RGS7: variants seen among roughly 807,000 people sequenced by gnomAD.
RGS7 encodes regulator of G-protein signaling 7.
RGS7 carries 27 observed loss-of-function variants against 81.1 expected under a neutral mutation model. The ratio of observed to expected loss-of-function variants is 0.33; its 90% CI spans 0.25 to 0.46. RGS7 has a LOEUF of 0.46. RGS7 is among the 20% of genes least tolerant of loss of function. The pLI is 1.00. For missense variants in RGS7, 396 were observed against 607.4 expected (o/e 0.65, Z 3.66); for synonymous variants, 208 against 207.7 (o/e 1.00, Z -0.01).
intron 3 of RGS7, among the ~76,000 whole-genome samples, chr1:241,095,828 T>C (rs566893488): frequency 6.6e-6 from 1 of 152,324 alleles, no homozygotes; most frequent in African/African-American, 2.4e-5. Context: ...CATATTATTG[T>C]TAACTATAGT....
rs191794442 is a variant in RGS7, at chr1:241,269,699, G to A, written c.78+86000C>T. Among the ~76,000 whole-genome samples the A allele has an allele frequency of 2.8e-3, 423 of 152,278 alleles. 1 individual carries two copies. Among genetic ancestry groups the A allele is most frequent in the African/African-American group, 9.6e-3 (401 of 41,560 alleles). ...AGAAAGGTGATTCCACTGATGAGTG[G>A]GCGATCTGCTACTCTTTGAACCATA... On this transcript the variant is annotated intron_variant, in intron 2 of 18. Coordinates refer to ENST00000440928, the MANE Select transcript of RGS7 (RefSeq NM_001364886.1).
chr1:241,285,970 A>G (rs1056036829), intron 2 of RGS7, among the ~76,000 whole-genome samples: 1 of 152,226 alleles, frequency 6.6e-6, no homozygotes, highest in Non-Finnish European at 1.5e-5. Context: ...ATGAGTGCGC[A>G]TAATAACCTC....
chr1:241,049,207 A>T (rs1367895080), intron 3 of RGS7, among the ~76,000 whole-genome samples: 1 of 152,220 alleles, frequency 6.6e-6, no homozygotes, highest in Non-Finnish European at 1.5e-5. Flanking sequence ...TAACACTAAG[A>T]TTGAAAACCT....
intron 6 of RGS7, among the ~76,000 whole-genome samples, chr1:240,892,781 A>G (rs530860428): frequency 3.5e-4 from 54 of 152,218 alleles, no homozygotes; most frequent in Non-Finnish European, 6.2e-4. Flanking sequence ...TTTTCTGTCC[A>G]TAAATCTTTT....
chr1:241,147,780 TTATATATA>T lies in RGS7; in HGVS notation c.79-49026_79-49019del, dbSNP rs200770896. Among the ~76,000 whole-genome samples, 197 of 44,644 alleles carry T rather than the reference TTATATATA, an allele frequency of 4.4e-3. 5 individuals carry two copies. Among genetic ancestry groups the T allele is most frequent in the South Asian group, 0.024 (20 of 822 alleles). 29.3% of individuals were successfully genotyped at this position (44,644 alleles called of 152,430 possible). ...TTAAATATCCCATCTAGATTAAGTT[TTATATATA>T]TATATATATATATATATATATATAT... is the stretch of plus-strand genomic sequence containing the variant. On this transcript the variant is annotated intron_variant, in intron 2 of 18. Coordinates refer to ENST00000440928, the MANE Select transcript of RGS7 (RefSeq NM_001364886.1).
intron 9 of RGS7, among the ~76,000 whole-genome samples, chr1:240,846,917 A>G (rs1415353357): frequency 6.6e-6 from 1 of 152,174 alleles, no homozygotes; most frequent in Non-Finnish European, 1.5e-5. Context: ...TCAGATGACC[A>G]TAGCCTTGGC....
Position 241,301,118 on chromosome 1 carries a change from G to C in RGS7, c.78+54581C>G, listed in dbSNP as rs141864090. ...TCTTGCACAACAGAATAAAAACAAGGTCTTCAATGATGAGTTAGTTGTGAT... is the reference window on the plus strand; with the variant it reads ...TCTTGCACAACAGAATAAAAACAAGCTCTTCAATGATGAGTTAGTTGTGAT... On this transcript the variant is annotated intron_variant, in intron 2 of 18. Transcript: ENST00000440928. Among the ~76,000 whole-genome samples, 113 of 152,262 alleles carry C rather than the reference G, an allele frequency of 7.4e-4. 1 individual carries two copies. Among genetic ancestry groups the C allele is most frequent in the African/African-American group, 2.7e-3 (113 of 41,556 alleles).
chr1:240,813,881 T>G (rs1304403239), intron 12 of RGS7, among the ~76,000 whole-genome samples, 153 bp from the exon 13 acceptor site: 1 of 152,204 alleles, frequency 6.6e-6, no homozygotes, highest in Non-Finnish European at 1.5e-5. Context: ...TTCAGTAACT[T>G]TCATGCAACA....
chr1:241,220,983 AAGG>A (rs1236250443), intron 2 of RGS7, among the ~76,000 whole-genome samples: 22,235 of 85,576 alleles, frequency 0.26, 2,690 homozygotes, highest in African/African-American at 0.35. Context: ...GGAAGGAAGG[AAGG>A]AAGGAAGGAA....
At chr1:240,950,632 T>G (rs1314651447) in intron 4 of RGS7, among the ~76,000 whole-genome samples, 1 of 152,192 alleles carries the variant, frequency 6.6e-6, no homozygotes, top group Non-Finnish European at 1.5e-5. Context: ...AAATATTATA[T>G]AATTCTCTCA....
chr1:241,149,119 G>A (rs1490513807), intron 2 of RGS7, among the ~76,000 whole-genome samples: 1 of 152,116 alleles, frequency 6.6e-6, no homozygotes. Flanking sequence ...CAACCAAGTG[G>A]AAAGCAGAAA....
chr1:241,342,179 T>C (rs1219788031), intron 2 of RGS7, among the ~76,000 whole-genome samples: 3 of 152,138 alleles, frequency 2.0e-5, no homozygotes, highest in Admixed American at 6.5e-5. Context: ...TGGTCTCTGG[T>C]ACTCTTCAAG....
At chr1:241,020,845 C>T (rs2059500437) in intron 3 of RGS7, among the ~76,000 whole-genome samples, 2 of 152,162 alleles carry the variant, frequency 1.3e-5, no homozygotes, top group Admixed American at 1.3e-4. Flanking sequence ...AAAACATGAT[C>T]TACTGTATCA....
intron 2 of RGS7, among the ~76,000 whole-genome samples, chr1:241,201,786 G>A (rs1030948181): frequency 2.0e-5 from 3 of 152,142 alleles, no homozygotes; most frequent in African/African-American, 4.8e-5. Flanking sequence ...AATTAAGGCT[G>A]AATGGTTCAC....
At chr1:241,263,228 G>C (rs542642647) in intron 2 of RGS7, among the ~76,000 whole-genome samples, 1 of 152,136 alleles carries the variant, frequency 6.6e-6, no homozygotes, top group African/African-American at 2.4e-5. Context: ...AGTGACCCGA[G>C]ATCTCGCCAC....
chr1:241,076,330 C>T (rs756421200), intron 3 of RGS7, among the ~76,000 whole-genome samples: 6 of 152,160 alleles, frequency 3.9e-5, no homozygotes, highest in Admixed American at 3.9e-4. Flanking sequence ...TTGAAATCCA[C>T]AGACAGGAAC....
At position 241,174,178 on chromosome 1, in the gene RGS7, C is replaced by T. The variant is rs144963600; in HGVS notation, c.79-75416G>A. On this transcript the variant is annotated intron_variant, in intron 2 of 18. Transcript: ENST00000440928. Reference sequence around the variant, plus strand: ...TTTTCATGAATAGGTTGAAAACTTGCCCAATAATTCTTAGCAGTTCTAGGA... The same window carrying T: ...TTTTCATGAATAGGTTGAAAACTTGTCCAATAATTCTTAGCAGTTCTAGGA... Among the ~76,000 whole-genome samples the T allele has an allele frequency of 1.5e-4, 23 of 152,266 alleles. 1 individual carries two copies. In the East Asian group the frequency reaches 3.9e-3, roughly 26 times the overall value.
At chr1:241,219,710 A>G (rs377034322) in intron 2 of RGS7, among the ~76,000 whole-genome samples, 9 of 152,354 alleles carry the variant, frequency 5.9e-5, no homozygotes, top group Admixed American at 6.5e-5. Context: ...ACAGAGCTAG[A>G]AAGATAAGAT....
At chr1:241,016,350 T>C (rs949012915) in intron 3 of RGS7, among the ~76,000 whole-genome samples, 3 of 151,940 alleles carry the variant, frequency 2.0e-5, no homozygotes, top group African/African-American at 7.2e-5. Flanking sequence ...AGACCCTGTC[T>C]CTACTAAAAA....
Sources: allele counts gnomAD v4.1 joint callset (sites outside exome capture counted in the v4.1 genomes callset), GRCh38; gene constraint gnomAD v4.1.1; transcripts MANE v1.5; gene names NCBI Gene and HGNC (gene_info 2026-07-23, HGNC 2026-07-21).